BCAS3: variants seen among roughly 807,000 people sequenced by gnomAD.
The protein encoded by BCAS3 is BCAS3 microtubule associated cell migration factor.
A neutral mutation model predicts 116.1 loss-of-function variants in BCAS3; 53 were observed. The ratio of observed to expected loss-of-function variants is 0.46; its 90% CI spans 0.37 to 0.57. The LOEUF is 0.57. Among genes scored for constraint, BCAS3 ranks in the 20% least tolerant of loss-of-function variants. BCAS3 has a pLI of 0.00. For synonymous variants in BCAS3, 391 were observed against 408.2 expected (o/e 0.96, Z 0.51); for missense variants, 917 against 1,165.4 (o/e 0.79, Z 3.10).
At chr17:60,725,692 A>G (rs2039750635) in intron 5 of BCAS3, among the ~76,000 whole-genome samples, 1 of 152,064 alleles carries the variant, frequency 6.6e-6, no homozygotes, top group African/African-American at 2.4e-5. Context: ...TACAGGACAG[A>G]CTCCTCGAAC....
rs536500045 is a variant in BCAS3, at chr17:60,693,512, T to C, written c.214+3751T>C. Among the ~76,000 whole-genome samples the C allele has an allele frequency of 2.0e-5, 3 of 151,514 alleles. 1 individual carries two copies. The East Asian group carries it at 5.9e-4, about 30-fold the overall frequency. On this transcript the variant is annotated intron_variant, in intron 4 of 23. Coordinates refer to ENST00000407086, the MANE Select transcript of BCAS3 (RefSeq NM_017679.5). ...TCACTGCAGCCCCGACCTTCTGGGC[T>C]CAAGCAATCCTCCCACCTCAGCCTC...
intron 16 of BCAS3, among the ~76,000 whole-genome samples, chr17:61,022,287 TA>T (rs1362060782): frequency 5.3e-5 from 8 of 152,320 alleles, no homozygotes; most frequent in Non-Finnish European, 8.8e-5. Context: ...TCTCGCTCTG[TA>T]GCCCAGGCTG....
chr17:61,032,386 A>G lies in BCAS3; in HGVS notation c.1638-2280A>G, dbSNP rs1294987743. Among the ~76,000 whole-genome samples, 1 of 152,120 alleles carries G rather than the reference A, an allele frequency of 6.6e-6. No individual in the cohort carries two copies. Among genetic ancestry groups the G allele is most frequent in the African/African-American group, 2.4e-5 (1 of 41,442 alleles). On this transcript the variant is annotated intron_variant, in intron 16 of 23. Coordinates refer to ENST00000407086, the MANE Select transcript of BCAS3 (RefSeq NM_017679.5). The surrounding 1 kb of genome is among the most constrained non-coding windows in gnomAD (Gnocchi z 4.6). ...CAAACTGCTTTCAAAAAATTCTACA[A>G]TACTTTTCTCTTTCCCGTTCCCCCA...
chr17:61,316,821 TG>T lies in BCAS3; in HGVS notation c.2426-51505del, dbSNP rs2054786077. 1.3e-5 allele frequency among the ~76,000 whole-genome samples: 2 copies of T among 152,292 alleles called. No individual in the cohort carries two copies. The highest frequency in any genetic ancestry group is 4.8e-5 in the African/African-American group (2 of 41,562). On this transcript the variant is annotated intron_variant, in intron 22 of 23. Coordinates refer to ENST00000407086, the MANE Select transcript of BCAS3 (RefSeq NM_017679.5). This position sits in a 1 kb window ranked among gnomAD's most constrained non-coding sequence, Gnocchi z 5.8. ...GGGTCATGTACAATAATTCCTGCCA[TG>T]TAGGTTTATTAAATTAACAGTTGCA... is the stretch of plus-strand genomic sequence containing the variant.
chr17:61,054,666 A>T (rs2069196939), intron 19 of BCAS3, among the ~76,000 whole-genome samples: 1 of 152,020 alleles, frequency 6.6e-6, no homozygotes, highest in South Asian at 2.1e-4. Flanking sequence ...GAGCCACCAC[A>T]CCCAGCCCTG....
intron 14 of BCAS3, among the ~76,000 whole-genome samples, chr17:60,984,784 C>G (rs2145412498): frequency 6.6e-6 from 1 of 151,992 alleles, no homozygotes; most frequent in East Asian, 1.9e-4. Context: ...CCAAAGTGGG[C>G]AGATCACCTG....
intron 22 of BCAS3, among the ~76,000 whole-genome samples, chr17:61,269,472 T>C (rs1470168974): frequency 1.3e-5 from 2 of 152,180 alleles, no homozygotes; most frequent in East Asian, 1.9e-4. Context: ...GGATTGTATA[T>C]GGTAATTCTA....
At chr17:60,881,344 T>C (rs991331507) in intron 9 of BCAS3, among the ~76,000 whole-genome samples, 3 of 152,332 alleles carry the variant, frequency 2.0e-5, no homozygotes, top group Non-Finnish European at 4.4e-5. Context: ...TGAAGTCCAA[T>C]TTATGTATTT....
intron 10 of BCAS3, among the ~76,000 whole-genome samples, chr17:60,890,400 G>A (rs1192060456): frequency 6.6e-6 from 1 of 152,080 alleles, no homozygotes; most frequent in Non-Finnish European, 1.5e-5. Flanking sequence ...GTTGTGGTGA[G>A]CTGAGATCGC....
chr17:60,822,468 C>T (rs1370978862), intron 7 of BCAS3, among the ~76,000 whole-genome samples: 1 of 152,122 alleles, frequency 6.6e-6, no homozygotes, highest in African/African-American at 2.4e-5. Flanking sequence ...ACAGACTTAC[C>T]TCACGTAAGC....
chr17:60,909,555 AT>A (rs2058378223), intron 11 of BCAS3, among the ~76,000 whole-genome samples: 1 of 152,110 alleles, frequency 6.6e-6, no homozygotes, highest in Non-Finnish European at 1.5e-5. Context: ...GTGTCTAAGT[AT>A]TCTAGGGTGC....
chr17:60,991,806 A>G (rs1239809790), intron 15 of BCAS3, among the ~76,000 whole-genome samples: 1 of 149,868 alleles, frequency 6.7e-6, no homozygotes, highest in Non-Finnish European at 1.5e-5. Context: ...AGCAAACACC[A>G]CTCTCTGCTT....
chr17:60,827,658 G>A (rs1358328629), intron 7 of BCAS3, among the ~76,000 whole-genome samples: 1 of 152,100 alleles, frequency 6.6e-6, no homozygotes, highest in Non-Finnish European at 1.5e-5. Context: ...TGTCCATGAA[G>A]CCATCACATT....
chr17:60,843,102 A>ATT (rs72215944), intron 7 of BCAS3, among the ~76,000 whole-genome samples: 28,397 of 150,530 alleles, frequency 0.19, 3,244 homozygotes, highest in African/African-American at 0.32. Flanking sequence ...TTTATTTTTT[A>ATT]TTTTTTTGTT....
At chr17:60,860,745 G>A (rs2054087870) in intron 7 of BCAS3, among the ~76,000 whole-genome samples, 1 of 152,132 alleles carries the variant, frequency 6.6e-6, no homozygotes, top group South Asian at 2.1e-4. Flanking sequence ...ATTGAATAGG[G>A]AGTTTTTTCC....
intron 22 of BCAS3, among the ~76,000 whole-genome samples, chr17:61,137,892 G>C (rs1040325305): frequency 1.3e-5 from 2 of 152,216 alleles, no homozygotes; most frequent in Admixed American, 1.3e-4. Flanking sequence ...TGTTTCCTTT[G>C]AGTCCACTGA....
intron 7 of BCAS3, among the ~76,000 whole-genome samples, chr17:60,855,640 A>G (rs2053613826): frequency 6.6e-6 from 1 of 151,470 alleles, no homozygotes; most frequent in Non-Finnish European, 1.5e-5. Flanking sequence ...AATTTTTATC[A>G]GTTCTGATAG....
intron 22 of BCAS3, among the ~76,000 whole-genome samples, chr17:61,357,831 G>A (rs987791274): frequency 3.3e-5 from 5 of 151,644 alleles, no homozygotes; most frequent in African/African-American, 9.7e-5. Flanking sequence ...GCTCAAGCCT[G>A]TAATCCCAGA....
intron 22 of BCAS3, among the ~76,000 whole-genome samples, chr17:61,138,805 G>A (rs1271228588): frequency 6.6e-6 from 1 of 152,064 alleles, no homozygotes; most frequent in Non-Finnish European, 1.5e-5. Context: ...TTCTTTTTGG[G>A]CATTTTTCTG....
Sources: gnomAD v4.1 joint callset for allele counts (sites outside exome capture counted in the v4.1 genomes callset) on GRCh38, gnomAD v4.1.1 for gene constraint, Gnocchi (gnomAD v3.1) non-coding constraint, MANE v1.5 for transcripts, NCBI Gene and HGNC (gene_info 2026-07-23, HGNC 2026-07-21) for gene names.